Variants in PHC3 observed in about 807,000 individuals in gnomAD.
PHC3 encodes polyhomeotic homolog 3, also known as polyhomeotic-like protein 3.
In PHC3, 13 loss-of-function variants were observed where a neutral mutation model predicts 107.4. That is an observed-to-expected ratio of 0.12 (90% CI 0.08 to 0.19). The LOEUF (loss-of-function observed/expected upper bound fraction) is 0.19, where lower values mean the gene tolerates loss of function less well. PHC3 is among the 10% of genes least tolerant of loss of function. The pLI, the probability that PHC3 is intolerant of heterozygous loss-of-function variation, is 1.00. For synonymous variants in PHC3, 456 were observed against 427.4 expected, an observed-to-expected ratio of 1.07 and a Z score of -0.83; for missense variants, 992 against 1,210.9, an observed-to-expected ratio of 0.82 and a Z score of 2.68.
chr3:170,152,044 T>C (rs1378460159), intron 4 of PHC3, among the ~76,000 whole-genome samples: 1 of 152,136 alleles, frequency 6.6e-6, no homozygotes, highest in Non-Finnish European at 1.5e-5. Context: ...CAGTTGGTTA[T>C]CTAATTCTCT....
At chr3:170,166,077 C>T (rs1008383949) in intron 4 of PHC3, among the ~76,000 whole-genome samples, 1 of 151,850 alleles carries the variant, frequency 6.6e-6, no homozygotes, top group African/African-American at 2.4e-5. Context: ...TGGAGTCTTG[C>T]TCTACCGCCC....
At chr3:170,137,236 C>G (rs1397516936) in intron 6 of PHC3, among the ~76,000 whole-genome samples, 3 of 152,138 alleles carry the variant, frequency 2.0e-5, no homozygotes, top group Admixed American at 6.5e-5. Context: ...TGTTATTGAA[C>G]ATTCACTGCC....
At chr3:170,144,081 C>T (rs971821971) in intron 6 of PHC3, among the ~76,000 whole-genome samples, 2 of 150,470 alleles carry the variant, frequency 1.3e-5, no homozygotes, top group African/African-American at 4.9e-5. Context: ...AATCCCAGCA[C>T]TTTGGGAGGC....
chr3:170,161,291 C>T (rs566040230), intron 4 of PHC3, among the ~76,000 whole-genome samples: 1 of 152,276 alleles, frequency 6.6e-6, no homozygotes, highest in African/African-American at 2.4e-5. Flanking sequence ...AGATAAGGCC[C>T]ATAGTCCAAT....
At chr3:170,133,832 T>C (rs1401495739) in intron 7 of PHC3, among the ~76,000 whole-genome samples, 1 of 152,130 alleles carries the variant, frequency 6.6e-6, no homozygotes, top group African/African-American at 2.4e-5. Context: ...GAACCAGATA[T>C]TGAGAGTTAA....
intron 11 of PHC3, among the ~76,000 whole-genome samples, chr3:170,111,648 A>T (rs2108332410): frequency 6.6e-6 from 1 of 152,362 alleles, no homozygotes; most frequent in African/African-American, 2.4e-5. Context: ...AATTAAAACC[A>T]ATCAAACTGA....
At chr3:170,113,339 T>C (rs775436397) in intron 11 of PHC3, 21 bp downstream of exon 11, 2 of 1,584,408 alleles carry the variant, frequency 1.3e-6, no homozygotes, top group South Asian at 2.3e-5. Context: ...TTAAAGGGTA[T>C]CTTAAGTGAA....
At chr3:170,165,924 G>A (rs917647942) in intron 4 of PHC3, among the ~76,000 whole-genome samples, 1 of 148,896 alleles carries the variant, frequency 6.7e-6, no homozygotes, top group Admixed American at 6.7e-5. Flanking sequence ...ACAACACAGT[G>A]AGACCCATCT....
chr3:170,135,337 G>A (rs529997203), intron 7 of PHC3, among the ~76,000 whole-genome samples: 3 of 152,148 alleles, frequency 2.0e-5, no homozygotes, highest in African/African-American at 7.2e-5. Context: ...TTTTAGTAGA[G>A]ATGGGTTTTC....
At chr3:170,171,314 T>C in intron 4 of PHC3, 59 bp downstream of exon 4, 1 of 1,260,154 alleles carries the variant, frequency 7.9e-7, no homozygotes, top group South Asian at 1.4e-5. Context: ...AACAGTTTAC[T>C]TTTGGAAAAC....
At chr3:170,144,613 G>C (rs1466775614) in intron 6 of PHC3, among the ~76,000 whole-genome samples, 1 of 152,178 alleles carries the variant, frequency 6.6e-6, no homozygotes, top group Non-Finnish European at 1.5e-5. Flanking sequence ...ATGTATGAGA[G>C]TCTGGATGCT....
chr3:170,128,870 C>A lies in PHC3; in HGVS notation c.1602G>T (p.Gln534His), dbSNP rs768804025. 1.5e-5 allele frequency: 25 copies of A among 1,614,032 alleles called. No homozygotes were observed. Among genetic ancestry groups the A allele is most frequent in the Non-Finnish European group, 2.1e-5 (25 of 1,179,894 alleles). ...QIPPLPLQSM[Q>H]SLQVQPEILS... ...GAATTTCAGGCTGCACTTGTAAAGA[C>A]TGCATAGACTGCAAGGGCAGTGGTG... Residue 534 changes from glutamine to histidine, a missense_variant, in exon 8 of 15, where the codon CAG becomes CAT. Gln to His is a conservative substitution (Grantham distance 24). This residue lies in a region of PHC3 where 543 missense variants were observed against 590.8 expected (regional missense o/e 0.92). Transcript: ENST00000495893.
At chr3:170,114,920 C>A (rs1718602600) in intron 10 of PHC3, among the ~76,000 whole-genome samples, 1 of 152,080 alleles carries the variant, frequency 6.6e-6, no homozygotes, top group South Asian at 2.1e-4. Context: ...ATTTAATATG[C>A]CTCAAGTGAA....
chr3:170,106,954 A>G lies in PHC3; in HGVS notation c.2354-8T>C. 1.3e-6 allele frequency: 2 copies of G among 1,574,672 alleles called. No individual in the cohort carries two copies. Among genetic ancestry groups the G allele is most frequent in the Non-Finnish European group, 1.7e-6 (2 of 1,162,442 alleles). On this transcript the variant is annotated splice_polypyrimidine_tract_variant and splice_region_variant and intron_variant, in intron 11 of 14. Coordinates refer to ENST00000495893, the MANE Select transcript of PHC3 (RefSeq NM_024947.4). ...CCATTTCTTCTAATGTCTCTAAAAA[A>G]GAAGGAAACAAAGGAAAAAAAGGTT...
chr3:170,118,100 G>C (rs1719412253), intron 9 of PHC3, among the ~76,000 whole-genome samples: 1 of 152,174 alleles, frequency 6.6e-6, no homozygotes, highest in Admixed American at 6.5e-5. Context: ...TGGTTGCTTG[G>C]TTTTGTTTTG....
intron 4 of PHC3, among the ~76,000 whole-genome samples, chr3:170,155,081 C>T (rs979704515): frequency 1.3e-5 from 2 of 152,192 alleles, no homozygotes; most frequent in African/African-American, 2.4e-5. Context: ...TCCCCACTGA[C>T]GCTAATTCTA....
rs368452334 is a variant in PHC3 at position 170,144,201 on chromosome 3, C to T, written c.672+1222G>A. 5.0e-4 allele frequency among the ~76,000 whole-genome samples: 75 copies of T among 150,680 alleles called. No homozygotes were observed. The East Asian group carries it at 5.6e-3, about 11-fold the overall frequency. On this transcript the variant is annotated intron_variant, in intron 6 of 14. Coordinates refer to ENST00000495893, the MANE Select transcript of PHC3 (RefSeq NM_024947.4). ...GAAAAAAGAAAAAAAATTAGCCAGGCGTAGTAGTGCGTGCCTGTAATCCCA... is the reference window on the plus strand; with the variant it reads ...GAAAAAAGAAAAAAAATTAGCCAGGTGTAGTAGTGCGTGCCTGTAATCCCA...
chr3:170,168,641 C>CT (rs1011738251), intron 4 of PHC3, among the ~76,000 whole-genome samples: 1 of 151,338 alleles, frequency 6.6e-6, no homozygotes, highest in Non-Finnish European at 1.5e-5. Context: ...GTAGTCCCAG[C>CT]TACTCAGGAG....
At chr3:170,133,484 A>T (rs893247561) in intron 7 of PHC3, among the ~76,000 whole-genome samples, 1 of 152,100 alleles carries the variant, frequency 6.6e-6, no homozygotes, top group African/African-American at 2.4e-5. Context: ...GCCAAGATTA[A>T]CTTCTTACCA....
Sources: allele counts gnomAD v4.1 joint callset (sites outside exome capture counted in the v4.1 genomes callset), GRCh38; gene constraint gnomAD v4.1.1; regional missense constraint gnomAD v4.1.1; transcripts MANE v1.5; gene names NCBI Gene and HGNC (gene_info 2026-07-23, HGNC 2026-07-21).